The following DPYD variants were observed in gnomAD, a reference collection of about 807,000 sequenced individuals.
The protein encoded by DPYD is dihydropyrimidine dehydrogenase, also known as dihydropyrimidine dehydrogenase [NADP(+)].
Under a neutral mutation model 116.2 loss-of-function variants are expected in DPYD, and 109 were observed. The ratio of observed to expected loss-of-function variants is 0.94; its 90% CI spans 0.80 to 1.10. The LOEUF (loss-of-function observed/expected upper bound fraction) is 1.10, where lower values mean the gene tolerates loss of function less well. DPYD is among the 50% of genes least tolerant of loss of function. The probability of loss-of-function intolerance (pLI) is 0.00; values close to 1 mark genes in which losing one functional copy is unlikely to be tolerated. For missense variants in DPYD, 1,302 were observed against 1,254.5 expected, an observed-to-expected ratio of 1.04 and a Z score of -0.57; for synonymous variants, 440 against 432.0, an observed-to-expected ratio of 1.02 and a Z score of -0.23.
rs140951711 is a variant in DPYD at position 97,386,268 on chromosome 1, C to T, written c.1906-3807G>A. ...CTTCTATCAAAATCCCTCAGTGGAA[C>T]TGGGAAAGTTAAAACTTTTTTTTTT... On this transcript the variant is annotated intron_variant, in intron 14 of 22. Coordinates refer to ENST00000370192, the MANE Select transcript of DPYD (RefSeq NM_000110.4). Among the ~76,000 whole-genome samples, 561 of 123,518 alleles carry T rather than the reference C, an allele frequency of 4.5e-3. 5 individuals carry two copies. The highest frequency in any genetic ancestry group is 0.016 in the African/African-American group (540 of 34,700). The allele number at this position is 123,518 out of a possible 152,430, so 81.0% of individuals were successfully genotyped here.
At chr1:97,527,657 T>C (rs79925977) in intron 12 of DPYD, among the ~76,000 whole-genome samples, 2,083 of 152,252 alleles carry the variant, frequency 0.014, 34 homozygotes, top group Middle Eastern at 0.024. Flanking sequence ...TCCTCTGTTA[T>C]ACCTCGTGGG....
chr1:97,463,191 G>A (rs752744874), intron 13 of DPYD, among the ~76,000 whole-genome samples: 8 of 152,234 alleles, frequency 5.3e-5, no homozygotes, highest in African/African-American at 7.2e-5. Context: ...TTGAATTCTC[G>A]AATGTTGAGG....
At position 97,108,179 on chromosome 1, in the gene DPYD, G is replaced by GA. The variant is rs554521593; in HGVS notation, c.2623-9548dup. On this transcript the variant is annotated intron_variant, in intron 20 of 22. Transcript: ENST00000370192. The stretch of plus-strand genomic sequence containing the variant: ...CCCCATGGGAGGCATCTTGCTGGGG[G>GA]AGGTAATGTGGCATATTGGAAACAG... Among the ~76,000 whole-genome samples, 510 of 152,216 alleles carry GA rather than the reference G, an allele frequency of 3.4e-3. 2 individuals are homozygous for GA. The highest frequency in any genetic ancestry group is 0.011 in the African/African-American group (449 of 41,570).
chr1:97,378,787 C>T (rs1446912814), intron 15 of DPYD, among the ~76,000 whole-genome samples: 4 of 152,094 alleles, frequency 2.6e-5, no homozygotes, highest in South Asian at 2.1e-4. Flanking sequence ...GGTCTCGACC[C>T]CCACGGAACT....
intron 1 of DPYD, among the ~76,000 whole-genome samples, chr1:97,885,303 G>C (rs1326805283): frequency 6.6e-6 from 1 of 151,752 alleles, no homozygotes; most frequent in Non-Finnish European, 1.5e-5. Context: ...TAAATGAACA[G>C]ATAAAAGAAT....
intron 3 of DPYD, chr1:97,797,443 C>T (rs1667628102): frequency 2.2e-5 from 2 of 91,110 alleles, no homozygotes; most frequent in African/African-American, 6.9e-5. Flanking sequence ...TAGTAGCTTA[C>T]ATTTCTTTTT....
intron 8 of DPYD, among the ~76,000 whole-genome samples, chr1:97,665,367 A>C: frequency 6.6e-6 from 1 of 152,216 alleles, no homozygotes; most frequent in East Asian, 1.9e-4. Flanking sequence ...CTCCCATAAA[A>C]TAACAATAGT....
intron 20 of DPYD, among the ~76,000 whole-genome samples, chr1:97,135,761 A>G (rs1310433993): frequency 6.6e-6 from 1 of 152,178 alleles, no homozygotes; most frequent in African/African-American, 2.4e-5. Flanking sequence ...TGGGTACTCA[A>G]TAGCTAAATT....
At chr1:97,591,593 G>T (rs917396834) in intron 10 of DPYD, among the ~76,000 whole-genome samples, 8 of 152,246 alleles carry the variant, frequency 5.3e-5, no homozygotes, top group African/African-American at 1.9e-4. Context: ...CATTTCCAGT[G>T]ACCCTTGCAA....
intron 21 of DPYD, among the ~76,000 whole-genome samples, chr1:97,097,935 T>G (rs1359105684): frequency 1.3e-5 from 2 of 152,092 alleles, no homozygotes; most frequent in Non-Finnish European, 2.9e-5. Context: ...TCTGTCAAAA[T>G]GAAAAGTTTA....
chr1:97,650,430 A>G (rs2100840232), intron 8 of DPYD, among the ~76,000 whole-genome samples: 1 of 152,330 alleles, frequency 6.6e-6, no homozygotes, highest in Admixed American at 6.5e-5. Flanking sequence ...TAAGGCAACA[A>G]TGGTCAAAAG....
At chr1:97,545,211 A>C (rs971254636) in intron 12 of DPYD, among the ~76,000 whole-genome samples, 4 of 152,166 alleles carry the variant, frequency 2.6e-5, no homozygotes, top group Non-Finnish European at 5.9e-5. Flanking sequence ...TATGTGCACC[A>C]ATGTAAATCT....
intron 13 of DPYD, among the ~76,000 whole-genome samples, chr1:97,502,046 C>A (rs1292765852): frequency 6.6e-6 from 1 of 151,832 alleles, no homozygotes; most frequent in Non-Finnish European, 1.5e-5. Flanking sequence ...TAATGAGATC[C>A]CAACAACTGT....
chr1:97,336,960 T>G (rs1416659234), intron 16 of DPYD, among the ~76,000 whole-genome samples: 1 of 152,084 alleles, frequency 6.6e-6, no homozygotes, highest in Non-Finnish European at 1.5e-5. Context: ...GTGCAGTACA[T>G]GAAAAGGGAG....
At chr1:97,116,994 C>CAAAAAAAAAAAA (rs397784957) in intron 20 of DPYD, among the ~76,000 whole-genome samples, 1 of 107,180 alleles carries the variant, frequency 9.3e-6, no homozygotes. Context: ...ACTAAAAATA[C>CAAAAAAAAAAAA]AAAAAAAAAA....
At chr1:97,125,140 G>GT (rs1652738698) in intron 20 of DPYD, among the ~76,000 whole-genome samples, 1 of 152,090 alleles carries the variant, frequency 6.6e-6, no homozygotes, top group Non-Finnish European at 1.5e-5. Context: ...GTTATCAGTG[G>GT]TTTCAGGACC....
intron 8 of DPYD, among the ~76,000 whole-genome samples, chr1:97,663,514 A>C (rs1571150936): frequency 6.6e-6 from 1 of 151,910 alleles, no homozygotes; most frequent in South Asian, 2.1e-4. Flanking sequence ...TTGGTCCTCA[A>C]TTTTCTCTTG....
chr1:97,496,034 G>A (rs1011113682), intron 13 of DPYD, among the ~76,000 whole-genome samples: 1 of 152,014 alleles, frequency 6.6e-6, no homozygotes, highest in Non-Finnish European at 1.5e-5. Context: ...TTCAGTAACT[G>A]CACAGAACAT....
chr1:97,272,978 G>A (rs1256819101), intron 18 of DPYD, among the ~76,000 whole-genome samples: 1 of 152,056 alleles, frequency 6.6e-6, no homozygotes, highest in Non-Finnish European at 1.5e-5. Context: ...TCACATTTAA[G>A]CTGAAGTCAA....
Sources: allele counts gnomAD v4.1 joint callset (sites outside exome capture counted in the v4.1 genomes callset), GRCh38; gene constraint gnomAD v4.1.1; transcripts MANE v1.5; gene names NCBI Gene and HGNC (gene_info 2026-07-23, HGNC 2026-07-21).